COX7B2: variants seen among roughly 807,000 people sequenced by gnomAD.
COX7B2 encodes the protein cytochrome c oxidase subunit 7B2.
For missense variants in COX7B2, 109 were observed against 95.9 expected (o/e 1.14, Z -0.57); for synonymous variants, 37 against 32.1 (o/e 1.15, Z -0.51).
chr4:46,880,422 T>A (rs950638769), intron 1 of COX7B2, among the ~76,000 whole-genome samples: 5 of 149,210 alleles, frequency 3.4e-5, no homozygotes, highest in Non-Finnish European at 5.9e-5. Flanking sequence ...CTTTTTTTTT[T>A]TTTTTTTTTT....
chr4:46,750,195 TACACACACACACACACAC>T (rs58139781), intron 2 of COX7B2, among the ~76,000 whole-genome samples: 5 of 113,924 alleles, frequency 4.4e-5, no homozygotes, highest in Middle Eastern at 4.5e-3. Flanking sequence ...ATCCCATCTC[TACACACACACACACACAC>T]ACACACACAC....
At chr4:46,903,912 T>A (rs1425709701) in intron 1 of COX7B2, 1 of 152,200 alleles carries the variant, frequency 6.6e-6, no homozygotes, top group Non-Finnish European at 1.5e-5. Flanking sequence ...ATCCTTGCTG[T>A]TCAGCGATGC....
At chr4:46,804,584 A>C (rs114219739) in intron 2 of COX7B2, among the ~76,000 whole-genome samples, 1,681 of 152,322 alleles carry the variant, frequency 0.011, 20 homozygotes, top group Middle Eastern at 0.041. Flanking sequence ...GAGTAGCTAG[A>C]GTAGCTAGAT....
intron 2 of COX7B2, among the ~76,000 whole-genome samples, chr4:46,759,852 ATAT>A (rs1716034274): frequency 6.7e-6 from 1 of 149,412 alleles, no homozygotes; most frequent in Non-Finnish European, 1.5e-5. Flanking sequence ...TATATAAGTC[ATAT>A]CTTATATAAG....
chr4:46,804,930 T>C (rs1251945978), intron 2 of COX7B2, among the ~76,000 whole-genome samples: 3 of 151,826 alleles, frequency 2.0e-5, no homozygotes, highest in Non-Finnish European at 4.4e-5. Flanking sequence ...ACAGCCAGGG[T>C]AGGGGGGGCG....
At chr4:46,773,246 CAT>C (rs1041517671) in intron 2 of COX7B2, among the ~76,000 whole-genome samples, 76 of 152,234 alleles carry the variant, frequency 5.0e-4, no homozygotes, top group African/African-American at 1.7e-3. Flanking sequence ...ATAATCCCCA[CAT>C]GTCATGGGAA....
At chr4:46,856,139 G>A (rs1286754456) in intron 1 of COX7B2, among the ~76,000 whole-genome samples, 9 of 152,116 alleles carry the variant, frequency 5.9e-5, no homozygotes, top group Non-Finnish European at 1.0e-4. Context: ...AGCTACTTGG[G>A]TGGCTGAGGC....
chr4:46,874,938 T>C (rs1718231111), intron 1 of COX7B2, among the ~76,000 whole-genome samples: 1 of 152,220 alleles, frequency 6.6e-6, no homozygotes, highest in Non-Finnish European at 1.5e-5. Flanking sequence ...TAGGCTGGTC[T>C]CTGAGGTAAT....
Position 46,741,981 on chromosome 4 carries a change from C to T in COX7B2, c.-49-6740G>A, listed in dbSNP as rs560084108. ...TCTAACACTCTGGGCTTTTCCTTGG[C>T]GGAAAAATAAAAAGAAGCATTTTAG... is the stretch of plus-strand genomic sequence containing the variant. On this transcript the variant is annotated intron_variant, in intron 2 of 2. Coordinates refer to ENST00000355591, the MANE Select transcript of COX7B2 (RefSeq NM_130902.3). Among the ~76,000 whole-genome samples the T allele has an allele frequency of 7.9e-5, 12 of 152,078 alleles. No homozygotes were observed. In the East Asian group the frequency reaches 1.2e-3, roughly 15 times the overall value.
intron 2 of COX7B2, among the ~76,000 whole-genome samples, chr4:46,761,536 C>G (rs1716144780): frequency 6.6e-6 from 1 of 152,092 alleles, no homozygotes; most frequent in Admixed American, 6.6e-5. Context: ...CGGTAACATT[C>G]TTTCTTTCTG....
At chr4:46,869,015 G>A (rs1229917304) in intron 1 of COX7B2, among the ~76,000 whole-genome samples, 2 of 152,114 alleles carry the variant, frequency 1.3e-5, no homozygotes, top group African/African-American at 4.8e-5. Flanking sequence ...ATGTCTCTTT[G>A]TAGGTCTCTA....
At chr4:46,762,788 T>A (rs1160370413) in intron 2 of COX7B2, among the ~76,000 whole-genome samples, 1 of 147,966 alleles carries the variant, frequency 6.8e-6, no homozygotes, top group Non-Finnish European at 1.5e-5. Context: ...CATATACATA[T>A]GAAAAAAAGG....
chr4:46,905,393 T>C (rs1720320000), intron 1 of COX7B2, among the ~76,000 whole-genome samples: 1 of 152,188 alleles, frequency 6.6e-6, no homozygotes, highest in Non-Finnish European at 1.5e-5. Flanking sequence ...GCACACTGTG[T>C]TCTTAGAAAC....
intron 2 of COX7B2, among the ~76,000 whole-genome samples, chr4:46,821,349 T>C (rs1714267739): frequency 6.6e-6 from 1 of 152,190 alleles, no homozygotes; most frequent in Non-Finnish European, 1.5e-5. Context: ...GGCAGCAACC[T>C]TCTTTGAAGT....
At chr4:46,777,723 A>G (rs1014770344) in intron 2 of COX7B2, among the ~76,000 whole-genome samples, 1 of 152,148 alleles carries the variant, frequency 6.6e-6, no homozygotes, top group Non-Finnish European at 1.5e-5. Flanking sequence ...GAACCAAAAG[A>G]CTAGGAAAAA....
intron 2 of COX7B2, among the ~76,000 whole-genome samples, chr4:46,750,653 G>T (rs915456369): frequency 6.6e-6 from 1 of 152,208 alleles, no homozygotes; most frequent in Non-Finnish European, 1.5e-5. Flanking sequence ...TGCCTAGGCT[G>T]CCCAAACAAA....
At chr4:46,754,716 G>GTATA (rs1327856395) in intron 2 of COX7B2, among the ~76,000 whole-genome samples, 6 of 21,858 alleles carry the variant, frequency 2.7e-4, no homozygotes, top group East Asian at 3.0e-3. Context: ...GTGTGTGTGT[G>GTATA]TGTGTGTGTG....
chr4:46,858,134 C>T (rs920704461), intron 1 of COX7B2, among the ~76,000 whole-genome samples: 4 of 152,174 alleles, frequency 2.6e-5, no homozygotes, highest in African/African-American at 9.7e-5. Flanking sequence ...CTCACTCTAA[C>T]CCAGGCTGGA....
chr4:46,754,208 A>G (rs1285545023), intron 2 of COX7B2, among the ~76,000 whole-genome samples: 1 of 152,002 alleles, frequency 6.6e-6, no homozygotes. Flanking sequence ...CCATCCCATT[A>G]CTAGGTATAT....
Sources: gnomAD v4.1 joint callset for allele counts (sites outside exome capture counted in the v4.1 genomes callset) on GRCh38, gnomAD v4.1.1 for gene constraint, MANE v1.5 for transcripts, NCBI Gene and HGNC (gene_info 2026-07-23, HGNC 2026-07-21) for gene names.